The following SHROOM3 variants were observed in gnomAD, a reference collection of about 807,000 sequenced individuals.
The protein encoded by SHROOM3 is shroom family member 3, also known as protein Shroom3.
SHROOM3 carries 47 observed loss-of-function variants against 138.6 expected under a neutral mutation model. The observed-to-expected ratio is 0.34, with a 90% CI of 0.27 to 0.43. The LOEUF is 0.43. Ranked by LOEUF, SHROOM3 falls within the 20% of genes least tolerant of loss-of-function variation. SHROOM3 has a pLI of 1.00. For synonymous variants in SHROOM3, 1,062 were observed against 1,063.3 expected (o/e 1.00, Z 0.02); for missense variants, 2,491 against 2,596.5 (o/e 0.96, Z 0.88).
At chr4:76,471,880 G>T (rs1000794274) in intron 1 of SHROOM3, among the ~76,000 whole-genome samples, 1 of 148,972 alleles carries the variant, frequency 6.7e-6, no homozygotes, top group African/African-American at 2.5e-5. Context: ...TACCTAGGAA[G>T]AGTTGGGGGT....
chr4:76,538,068 C>A (rs567090519), intron 1 of SHROOM3, among the ~76,000 whole-genome samples: 1 of 152,234 alleles, frequency 6.6e-6, no homozygotes, highest in African/African-American at 2.4e-5. Context: ...CCACCACTCC[C>A]AGCTAATTTT....
intron 1 of SHROOM3, among the ~76,000 whole-genome samples, chr4:76,546,066 A>G (rs1480966619): frequency 1.3e-5 from 2 of 152,222 alleles, no homozygotes; most frequent in African/African-American, 4.8e-5. Flanking sequence ...ATTTAAATAA[A>G]ACTATGGAAT....
At chr4:76,626,191 A>T (rs1054223724) in intron 2 of SHROOM3, among the ~76,000 whole-genome samples, 1 of 152,214 alleles carries the variant, frequency 6.6e-6, no homozygotes, top group Non-Finnish European at 1.5e-5. Context: ...TGTAAAATTC[A>T]ACGCTGGGAA....
At chr4:76,615,193 TC>T (rs1734847198) in intron 2 of SHROOM3, among the ~76,000 whole-genome samples, 1 of 152,202 alleles carries the variant, frequency 6.6e-6, no homozygotes, top group Non-Finnish European at 1.5e-5. Flanking sequence ...TCAACATTTT[TC>T]CCCTTTTCCC....
intron 2 of SHROOM3, among the ~76,000 whole-genome samples, chr4:76,617,035 G>C (rs1734897484): frequency 6.6e-6 from 1 of 152,208 alleles, no homozygotes; most frequent in African/African-American, 2.4e-5. Flanking sequence ...TTTGAAAGGT[G>C]AAGTAGCACT....
Position 76,521,295 on chromosome 4 carries a change from C to T in SHROOM3, c.169-34314C>T, listed in dbSNP as rs75946886. ...GTGTGTATGTATATGTGTGTGTGTG[C>T]GCACATATGTGTGTGTGTGCACACA... On this transcript the variant is annotated intron_variant, in intron 1 of 10. Coordinates refer to ENST00000296043, the MANE Select transcript of SHROOM3 (RefSeq NM_020859.4). Among the ~76,000 whole-genome samples, 90 of 130,234 alleles carry T rather than the reference C, an allele frequency of 6.9e-4. No individual in the cohort carries two copies. The South Asian group carries it at 0.01, about 15-fold the overall frequency. 85.4% of individuals were successfully genotyped at this position (130,234 alleles called of 152,430 possible). A position where few individuals can be genotyped will look rare whatever the true frequency, so the allele number is the denominator to read the frequency against.
At chr4:76,614,969 C>A (rs1398787235) in intron 2 of SHROOM3, among the ~76,000 whole-genome samples, 1 of 152,098 alleles carries the variant, frequency 6.6e-6, no homozygotes, top group East Asian at 1.9e-4. Context: ...TCCCTCTTCT[C>A]CAGAAAAAAA....
chr4:76,760,682 G>A (rs1721961113), intron 9 of SHROOM3, among the ~76,000 whole-genome samples: 1 of 152,330 alleles, frequency 6.6e-6, no homozygotes, highest in South Asian at 2.1e-4. Context: ...CTAACATGCT[G>A]ATGCAACCAT....
At chr4:76,462,791 A>G (rs901936413) in intron 1 of SHROOM3, among the ~76,000 whole-genome samples, 2 of 148,754 alleles carry the variant, frequency 1.3e-5, no homozygotes, top group African/African-American at 5.0e-5. Context: ...TGCCATGGTA[A>G]GACATGCTTG....
Position 76,778,862 on chromosome 4 carries a change from G to T in SHROOM3, c.5676G>T (p.Arg1892=), listed in dbSNP as rs1407313434. The T allele has an allele frequency of 6.2e-7, 1 of 1,612,792 alleles. No individual in the cohort carries two copies. Among genetic ancestry groups the T allele is most frequent in the Non-Finnish European group, 8.5e-7 (1 of 1,180,024 alleles). ...TGGCTGGTCAGCATGAGGATGCCCG[G>T]GAGCTGAAGGAGAACCTGGATCGCA... ...KILAGQHEDA[R]ELKENLDRRE... Residue 1892 remains arginine (R), a synonymous_variant, in exon 11 of 11, where the codon CGG becomes CGT. Coordinates refer to ENST00000296043, the MANE Select transcript of SHROOM3 (RefSeq NM_020859.4).
Position 76,781,796 on chromosome 4 carries a change from ATTC to A in SHROOM3, c.*2625_*2627del, listed in dbSNP as rs1211754410. ...TAAAAACTCATTTACAGTAGAAACC[ATTC>A]TTCTTTCTCCCAACAGTATCCTTTG... is the stretch of plus-strand genomic sequence containing the variant. On this transcript the variant is annotated 3_prime_UTR_variant, in exon 11 of 11. Coordinates refer to ENST00000296043, the MANE Select transcript of SHROOM3 (RefSeq NM_020859.4). The A allele has an allele frequency of 3.3e-5, 5 of 152,340 alleles. No individual in the cohort carries two copies. The highest frequency in any genetic ancestry group is 2.1e-4 in the South Asian group (1 of 4,828). The allele number at this position is 152,340 out of a possible 1,614,324, so 9.4% of individuals were successfully genotyped here.
intron 1 of SHROOM3, among the ~76,000 whole-genome samples, chr4:76,531,987 C>A (rs1400480954): frequency 6.6e-6 from 1 of 150,892 alleles, no homozygotes; most frequent in Non-Finnish European, 1.5e-5. Flanking sequence ...ATACATGTGC[C>A]ATGTTGGTGT....
At chr4:76,531,042 G>A (rs998289727) in intron 1 of SHROOM3, among the ~76,000 whole-genome samples, 1 of 152,138 alleles carries the variant, frequency 6.6e-6, no homozygotes, top group Non-Finnish European at 1.5e-5. Flanking sequence ...CTGTTTGCTT[G>A]GCTCTGTGAT....
At chr4:76,495,334 CA>C (rs940567413) in intron 1 of SHROOM3, among the ~76,000 whole-genome samples, 1 of 151,744 alleles carries the variant, frequency 6.6e-6, no homozygotes, top group South Asian at 2.1e-4. Flanking sequence ...CTGAAAGGAG[CA>C]AAAAAAATGA....
intron 1 of SHROOM3, among the ~76,000 whole-genome samples, chr4:76,546,641 A>G (rs1177096175): frequency 6.6e-6 from 1 of 152,156 alleles, no homozygotes; most frequent in African/African-American, 2.4e-5. Context: ...TGTTTGAGAG[A>G]TTCTTGACGT....
Position 76,780,484 on chromosome 4 carries a change from G to C in SHROOM3, c.*1307G>C, listed in dbSNP as rs879520879. Reference sequence around the variant, plus strand: ...GCCACCTTTGTTGATTTGGGCTTACGAGTTTCATAGTAGCCAGTCTTAGAA... The same window carrying C: ...GCCACCTTTGTTGATTTGGGCTTACCAGTTTCATAGTAGCCAGTCTTAGAA... On this transcript the variant is annotated 3_prime_UTR_variant, in exon 11 of 11. Coordinates refer to ENST00000296043, the MANE Select transcript of SHROOM3 (RefSeq NM_020859.4). The C allele has an allele frequency of 6.6e-6, 1 of 150,654 alleles. No homozygotes were observed. Among genetic ancestry groups the C allele is most frequent in the South Asian group, 2.1e-4 (1 of 4,788 alleles). 9.3% of individuals were successfully genotyped at this position (150,654 alleles called of 1,614,324 possible). A position where few individuals can be genotyped will look rare whatever the true frequency, so the allele number is the denominator to read the frequency against.
chr4:76,741,595 C>T lies in SHROOM3; in HGVS notation c.3422C>T (p.Ser1141Leu). 6.5e-7 allele frequency: 1 copy of T among 1,540,122 alleles called. No individual in the cohort carries two copies. The highest frequency in any genetic ancestry group is 8.7e-7 in the Non-Finnish European group (1 of 1,148,746). ...SGLASASSLS[S>L]LREPSLQPRR... ...CTCGCCTCGGCCTCCAGCTTGAGCT[C>T]ACTGCGGGAGCCCAGCCTGCAGCCC... The change falls in exon 5 of 11, where the codon TCA becomes TTA. Residue 1141 changes from serine to leucine, a missense_variant. Coordinates refer to ENST00000296043, the MANE Select transcript of SHROOM3 (RefSeq NM_020859.4). This position sits in a 1 kb window ranked among gnomAD's most constrained non-coding sequence, Gnocchi z 6.2.
chr4:76,519,859 C>A (rs552563226), intron 1 of SHROOM3, among the ~76,000 whole-genome samples: 51 of 152,252 alleles, frequency 3.3e-4, no homozygotes, highest in African/African-American at 1.2e-3. Context: ...ATGATCAGGA[C>A]AACTAATGAG....
At chr4:76,582,073 A>G (rs913275644) in intron 2 of SHROOM3, among the ~76,000 whole-genome samples, 2 of 152,238 alleles carry the variant, frequency 1.3e-5, no homozygotes, top group Admixed American at 6.5e-5. Flanking sequence ...GAACTCAGCC[A>G]TGATAAAAAT....
Sources: gnomAD v4.1 joint callset for allele counts (sites outside exome capture counted in the v4.1 genomes callset) on GRCh38, gnomAD v4.1.1 for gene constraint, Gnocchi (gnomAD v3.1) non-coding constraint, MANE v1.5 for transcripts, NCBI Gene and HGNC (gene_info 2026-07-23, HGNC 2026-07-21) for gene names.